The following TRAPPC10 variants were observed in gnomAD, a reference collection of about 807,000 sequenced individuals.
The protein encoded by TRAPPC10 is trafficking protein particle complex subunit 10.
TRAPPC10 carries 23 observed loss-of-function variants against 125.5 expected under a neutral mutation model. That is an observed-to-expected ratio of 0.18 (90% CI 0.13 to 0.26). The LOEUF is 0.26. TRAPPC10 is among the 10% of genes least tolerant of loss of function. TRAPPC10 has a pLI of 1.00. For missense variants in TRAPPC10, 1,123 were observed against 1,308.4 expected, an observed-to-expected ratio of 0.86 and a Z score of 2.19; for synonymous variants, 509 against 518.0, an observed-to-expected ratio of 0.98 and a Z score of 0.24.
rs1294418208 is a variant in TRAPPC10, at chr21:44,075,029, A to T, written c.1186-10A>T. The T allele has an allele frequency of 3.8e-6, 6 of 1,572,924 alleles. No individual in the cohort carries two copies. The highest frequency in any genetic ancestry group is 1.4e-5 in the African/African-American group (1 of 73,942). ...GCAAATTAATTGAAATTGTGGATTT[A>T]TCTTAACAGTTAAAGTCCTTGGGCT... On this transcript the variant is annotated splice_polypyrimidine_tract_variant and intron_variant, in intron 8 of 22. Transcript: ENST00000291574.
At chr21:44,016,912 C>G (rs2031926854) in intron 1 of TRAPPC10, among the ~76,000 whole-genome samples, 2 of 152,212 alleles carry the variant, frequency 1.3e-5, no homozygotes, top group South Asian at 2.1e-4. Flanking sequence ...GCCTCAGCCT[C>G]CCAAAGTGCT....
At chr21:44,044,973 C>T (rs1307242150) in intron 3 of TRAPPC10, among the ~76,000 whole-genome samples, 1 of 151,902 alleles carries the variant, frequency 6.6e-6, no homozygotes, top group East Asian at 1.9e-4. Flanking sequence ...TTTACCCACC[C>T]AGTTTCCATT....
In TRAPPC10 at chr21:44,094,223, A is replaced by G. The variant is rs1348268771; in HGVS notation, c.3158A>G (p.Glu1053Gly). 20 of 1,607,402 alleles carry G rather than the reference A, an allele frequency of 1.2e-5. No individual in the cohort carries two copies. The highest frequency in any genetic ancestry group is 1.7e-5 in the Non-Finnish European group (20 of 1,178,398). The change falls in exon 20 of 23, where the codon GAA becomes GGA. Residue 1053 changes from glutamate (E) to glycine (G), a missense_variant. By Grantham distance (98) the Glu-to-Gly change is moderately conservative (BLOSUM62 -2). Around this residue, in one of 4 missense-constraint regions of TRAPPC10, gnomAD observed 840 missense variants for 902.0 expected, o/e 0.93. Transcript: ENST00000291574. ...LKPYTYEFKV[E>G]NFFTLYNVKA... ...CCGTATACTTATGAATTTAAAGTGG[A>G]AAATTTTTTTGTAAGTGATGTATTA...
Position 44,087,774 on chromosome 21 carries a change from C to A in TRAPPC10, c.2615C>A (p.Ala872Glu). 1 of 1,614,216 alleles carries A rather than the reference C, an allele frequency of 6.2e-7. No individual in the cohort carries two copies. The highest frequency in any genetic ancestry group is 8.5e-7 in the Non-Finnish European group (1 of 1,180,040). ...AGCATCAGTCTGCCTGTTGCGCCTG[C>A]GTACCACGTGATCGAATTTGAACTG... Reference protein sequence around the residue: ...VTSISLPVAPAYHVIEFELEV... With the variant: ...VTSISLPVAPEYHVIEFELEV... Residue 872 changes from alanine to glutamate, a missense_variant, in exon 17 of 23, where the codon GCG becomes GAG. Transcript: ENST00000291574. This position sits in a 1 kb window ranked among gnomAD's most constrained non-coding sequence, Gnocchi z 4.6.
chr21:44,078,686 ATCTG>A (rs2037455363), intron 11 of TRAPPC10, among the ~76,000 whole-genome samples: 2 of 152,216 alleles, frequency 1.3e-5, no homozygotes, highest in South Asian at 4.1e-4. Context: ...CATGCTGTGT[ATCTG>A]AAGAGGAAGG....
At chr21:44,031,939 T>C (rs1601594722) in intron 1 of TRAPPC10, 152 bp from the exon 2 acceptor site, 1 of 646,638 alleles carries the variant, frequency 1.5e-6, no homozygotes, top group East Asian at 2.7e-5. Flanking sequence ...TCCTGAGACG[T>C]GTTATGTAGA....
intron 7 of TRAPPC10, among the ~76,000 whole-genome samples, chr21:44,072,008 A>G (rs557222419): frequency 2.6e-4 from 39 of 152,332 alleles, no homozygotes; most frequent in African/African-American, 8.2e-4. Context: ...CCAGTGGCCA[A>G]TGGGTGCCAC....
chr21:44,081,169 C>G (rs2037711285), intron 13 of TRAPPC10, among the ~76,000 whole-genome samples: 1 of 151,222 alleles, frequency 6.6e-6, no homozygotes, highest in Admixed American at 6.6e-5. Context: ...GTGTGGGCCA[C>G]CACACCCAGC....
At chr21:44,035,432 T>C (rs2033920062) in intron 2 of TRAPPC10, among the ~76,000 whole-genome samples, 1 of 152,142 alleles carries the variant, frequency 6.6e-6, no homozygotes, top group Non-Finnish European at 1.5e-5. Context: ...TGTGTGTGTG[T>C]TGGTGGGCGG....
chr21:44,081,005 C>CTTTTTTTTTTTTT (rs71326026), intron 13 of TRAPPC10, among the ~76,000 whole-genome samples: 2 of 103,868 alleles, frequency 1.9e-5, no homozygotes, highest in African/African-American at 3.2e-5. Context: ...TATTATTGTT[C>CTTTTTTTTTTTTT]TTTTTTTTTT....
At chr21:44,066,126 C>T (rs1403563642) in intron 7 of TRAPPC10, among the ~76,000 whole-genome samples, 1 of 152,158 alleles carries the variant, frequency 6.6e-6, no homozygotes, top group African/African-American at 2.4e-5. Context: ...GTTGCAGATC[C>T]CACTGTCCCA....
chr21:44,016,783 C>T (rs1186264188), intron 1 of TRAPPC10, among the ~76,000 whole-genome samples: 2 of 152,114 alleles, frequency 1.3e-5, no homozygotes, highest in African/African-American at 2.4e-5. Flanking sequence ...CTCAGCCTTC[C>T]GAGTAGCTGG....
intron 1 of TRAPPC10, among the ~76,000 whole-genome samples, chr21:44,028,544 C>T (rs1027686591): frequency 6.6e-6 from 1 of 152,194 alleles, no homozygotes; most frequent in African/African-American, 2.4e-5. Flanking sequence ...CCTGACCTGC[C>T]GCACCCTCTT....
intron 1 of TRAPPC10, among the ~76,000 whole-genome samples, chr21:44,024,991 G>A (rs985699768): frequency 6.6e-6 from 1 of 152,216 alleles, no homozygotes; most frequent in Non-Finnish European, 1.5e-5. Flanking sequence ...CACGCTAGGA[G>A]TATGTTGAGA....
At chr21:44,060,575 C>T (rs879838064) in intron 6 of TRAPPC10, among the ~76,000 whole-genome samples, 1 of 151,748 alleles carries the variant, frequency 6.6e-6, no homozygotes, top group Non-Finnish European at 1.5e-5. Flanking sequence ...CATGCCCGGC[C>T]TTATGTGTCC....
At chr21:44,019,844 G>A (rs528355690) in intron 1 of TRAPPC10, among the ~76,000 whole-genome samples, 1 of 152,312 alleles carries the variant, frequency 6.6e-6, no homozygotes, top group South Asian at 2.1e-4. Context: ...TTAGACAGCT[G>A]CGTCTGTCTT....
intron 9 of TRAPPC10, among the ~76,000 whole-genome samples, chr21:44,075,983 A>G (rs1024964896): frequency 6.6e-6 from 1 of 151,754 alleles, no homozygotes; most frequent in African/African-American, 2.4e-5. Flanking sequence ...TGGGAGGTGG[A>G]GGTTGTGGTG....
chr21:44,024,715 A>T (rs934259396), intron 1 of TRAPPC10, among the ~76,000 whole-genome samples: 2 of 152,158 alleles, frequency 1.3e-5, no homozygotes, highest in Non-Finnish European at 2.9e-5. Context: ...TTTTTAGGGA[A>T]AACCTTGAAA....
chr21:44,031,453 C>T (rs187319364), intron 1 of TRAPPC10, among the ~76,000 whole-genome samples: 6 of 152,276 alleles, frequency 3.9e-5, no homozygotes, highest in African/African-American at 9.6e-5. Context: ...TAAAGTCGGC[C>T]GCAGCTGGAT....
Sources: gnomAD v4.1 joint callset for allele counts (sites outside exome capture counted in the v4.1 genomes callset) on GRCh38, gnomAD v4.1.1 for gene constraint, gnomAD v4.1.1 regional missense constraint, Gnocchi (gnomAD v3.1) non-coding constraint, MANE v1.5 for transcripts, NCBI Gene and HGNC (gene_info 2026-07-23, HGNC 2026-07-21) for gene names.